The following EPYC variants were observed in gnomAD, a reference collection of about 807,000 sequenced individuals.
EPYC encodes the protein dermatan sulfate proteoglycan 3.
Under a neutral mutation model 30.1 loss-of-function variants are expected in EPYC, and 28 were observed. The observed-to-expected ratio is 0.93, with a 90% confidence interval of 0.69 to 1.28. The LOEUF is 1.28. EPYC is among the 50% of genes most tolerant of loss of function. EPYC has a pLI of 0.00. For synonymous variants in EPYC, 144 were observed against 141.4 expected (o/e 1.02, Z -0.13); for missense variants, 382 against 383.5 (o/e 1.00, Z 0.03).
chr12:90,994,242 CT>C (rs1174138540), intron 2 of EPYC, among the ~76,000 whole-genome samples: 1 of 152,128 alleles, frequency 6.6e-6, no homozygotes, highest in Non-Finnish European at 1.5e-5. Flanking sequence ...GAATCCCTTC[CT>C]TTAAGGCATC....
chr12:90,965,921 A>T (rs1389695473), intron 6 of EPYC, among the ~76,000 whole-genome samples: 3 of 151,662 alleles, frequency 2.0e-5, no homozygotes, highest in Non-Finnish European at 4.4e-5. Context: ...TTTTTTTCAG[A>T]TTGTTCATTG....
intron 6 of EPYC, among the ~76,000 whole-genome samples, chr12:90,966,424 T>G (rs187930847): frequency 6.6e-6 from 1 of 152,200 alleles, no homozygotes. Context: ...CCCTTTATTC[T>G]ATTAATATAT....
Position 91,002,461 on chromosome 12 carries a change from G to A in EPYC, c.105C>T (p.Ala35=). 6.2e-7 allele frequency: 1 copy of A among 1,613,238 alleles called. No homozygotes were observed. Among genetic ancestry groups the A allele is most frequent in the Non-Finnish European group, 8.5e-7 (1 of 1,179,562 alleles). ...SINYDSETYD[A]TLEDLDNLYN... The stretch of plus-strand genomic sequence containing the variant: ...ACAAATTATCCAGGTCTTCTAAGGT[G>A]GCATCATAGGTTTCTGAGTCATAGT... Residue 35 remains alanine, a synonymous_variant, in exon 2 of 7, where the codon GCC becomes GCT. Coordinates refer to ENST00000261172, the MANE Select transcript of EPYC (RefSeq NM_004950.5).
At position 90,972,007 on chromosome 12, in the gene EPYC, C is replaced by A. The variant is rs1475261784; in HGVS notation, c.500-5G>T. ...GATCAATCCTTTTTAAATCACCTAG[C>A]AGAAAAAAATAAAGGAAGTAATTAA... On this transcript the variant is annotated splice_region_variant and splice_polypyrimidine_tract_variant and intron_variant, in intron 4 of 6. Transcript: ENST00000261172. The A allele has an allele frequency of 2.0e-6, 3 of 1,467,760 alleles. No homozygotes were observed. The highest frequency in any genetic ancestry group is 2.8e-6 in the Non-Finnish European group (3 of 1,084,202). 90.9% of individuals were successfully genotyped at this position (1,467,760 alleles called of 1,614,324 possible).
chr12:90,998,023 A>G (rs1464073945), intron 2 of EPYC, among the ~76,000 whole-genome samples: 1 of 152,074 alleles, frequency 6.6e-6, no homozygotes, highest in African/African-American at 2.4e-5. Flanking sequence ...ATGATATATA[A>G]TTACTAACTG....
intron 5 of EPYC, among the ~76,000 whole-genome samples, chr12:90,971,029 T>C (rs1383613147): frequency 2.0e-5 from 3 of 152,190 alleles, no homozygotes; most frequent in African/African-American, 7.2e-5. Flanking sequence ...AAACAAAATC[T>C]CTAAGGCTAA....
chr12:90,994,050 T>C (rs972367297), intron 2 of EPYC, among the ~76,000 whole-genome samples: 2 of 152,130 alleles, frequency 1.3e-5, no homozygotes, highest in African/African-American at 4.8e-5. Context: ...ATATGTGTCT[T>C]TTTAAACTTC....
chr12:90,972,739 A>G (rs1349138904), intron 4 of EPYC, 83 bp downstream of exon 4: 1 of 1,220,602 alleles, frequency 8.2e-7, no homozygotes, highest in Non-Finnish European at 1.1e-6. Context: ...TTCAAGTTTC[A>G]TTCTCAGTGC....
At chr12:90,980,801 TTTTA>T (rs748337992) in intron 2 of EPYC, among the ~76,000 whole-genome samples, 2 of 152,226 alleles carry the variant, frequency 1.3e-5, no homozygotes, top group African/African-American at 2.4e-5. Flanking sequence ...CTCTATTCTT[TTTTA>T]TTTGACTGCT....
At chr12:91,003,064 T>C (rs1290932950) in intron 1 of EPYC, among the ~76,000 whole-genome samples, 2 of 152,052 alleles carry the variant, frequency 1.3e-5, no homozygotes, top group Non-Finnish European at 2.9e-5. Flanking sequence ...AATTCCAATT[T>C]CAGTGATCCA....
chr12:90,983,677 A>G (rs1461128242), intron 2 of EPYC, among the ~76,000 whole-genome samples: 1 of 152,004 alleles, frequency 6.6e-6, no homozygotes, highest in Non-Finnish European at 1.5e-5. Context: ...TATTCTATCT[A>G]TCCTGACCCT....
chr12:90,992,625 A>G (rs1232209449), intron 2 of EPYC, among the ~76,000 whole-genome samples: 1 of 152,212 alleles, frequency 6.6e-6, no homozygotes. Flanking sequence ...ACTTCAGGTA[A>G]GACTGGATGA....
chr12:90,968,092 T>C (rs1274023882), intron 6 of EPYC, among the ~76,000 whole-genome samples: 1 of 152,192 alleles, frequency 6.6e-6, no homozygotes, highest in African/African-American at 2.4e-5. Context: ...CCTCTGTTGT[T>C]AGATGCATAT....
At position 91,002,391 on chromosome 12, in the gene EPYC, G is replaced by T; in HGVS notation, c.165+10C>A. 5.0e-6 allele frequency: 8 copies of T among 1,608,676 alleles called. No homozygotes were observed. The highest frequency in any genetic ancestry group is 1.1e-5 in the South Asian group (1 of 89,992). ...CTTTTTAAAGTTTCAAGAGTAGGAG[G>T]ATCGATTACCTCAACTTTATCAACA... On this transcript the variant is annotated intron_variant, in intron 2 of 6. Coordinates refer to ENST00000261172, the MANE Select transcript of EPYC (RefSeq NM_004950.5).
At chr12:90,985,608 C>T (rs1877430609) in intron 2 of EPYC, among the ~76,000 whole-genome samples, 1 of 150,028 alleles carries the variant, frequency 6.7e-6, no homozygotes, top group Middle Eastern at 3.5e-3. Context: ...GCAGGCCAAT[C>T]ACCCAGTAGG....
At chr12:90,998,708 T>G (rs79833194) in intron 2 of EPYC, among the ~76,000 whole-genome samples, 2,524 of 152,274 alleles carry the variant, frequency 0.017, 70 homozygotes, top group African/African-American at 0.057. Flanking sequence ...TTGTTCTATC[T>G]TGTTTTAATT....
Position 90,978,162 on chromosome 12 carries a change from G to A in EPYC, c.266C>T (p.Thr89Ile), listed in dbSNP as rs1023240396. The A allele has an allele frequency of 1.2e-6, 2 of 1,606,708 alleles. No individual in the cohort carries two copies. Among genetic ancestry groups the A allele is most frequent in the Non-Finnish European group, 1.7e-6 (2 of 1,176,792 alleles). ...AGAAGAGCCATCAATCAGCCTGGGA[G>A]TAGATTCCTCCTCCTCTTCCTCTTC... is the stretch of plus-strand genomic sequence containing the variant. ...AQEEEEEEES[T>I]PRLIDGSSPQ... The change falls in exon 3 of 7, where the codon ACT (threonine) becomes ATT (isoleucine). Residue 89 changes from threonine to isoleucine, a missense_variant. Coordinates refer to ENST00000261172, the MANE Select transcript of EPYC (RefSeq NM_004950.5).
chr12:90,995,950 A>C (rs1251623165), intron 2 of EPYC, among the ~76,000 whole-genome samples: 1 of 151,950 alleles, frequency 6.6e-6, no homozygotes, highest in Non-Finnish European at 1.5e-5. Context: ...CTCTGGAAAA[A>C]GATATTTAAT....
chr12:90,978,014 T>C (rs758238190), intron 3 of EPYC, 74 bp downstream of exon 3: 36 of 1,363,576 alleles, frequency 2.6e-5, no homozygotes, highest in Non-Finnish European at 3.4e-5. Context: ...GTGGTTTCCC[T>C]GTAGAGTTGA....
Sources: gnomAD v4.1 joint callset for allele counts (sites outside exome capture counted in the v4.1 genomes callset) on GRCh38, gnomAD v4.1.1 for gene constraint, MANE v1.5 for transcripts, NCBI Gene and HGNC (gene_info 2026-07-23, HGNC 2026-07-21) for gene names.